Variants in IL1RAP observed in about 807,000 individuals in gnomAD.
IL1RAP encodes interleukin 1 receptor accessory protein.
Under a neutral mutation model 60.7 loss-of-function variants are expected in IL1RAP, and 35 were observed. The ratio of observed to expected loss-of-function variants is 0.58; its 90% confidence interval spans 0.44 to 0.76. The LOEUF (loss-of-function observed/expected upper bound fraction) is 0.76, where lower values mean the gene tolerates loss of function less well. Ranked by LOEUF, IL1RAP falls within the 30% of genes least tolerant of loss-of-function variation. IL1RAP has a pLI of 0.00. For missense variants in IL1RAP, 572 were observed against 693.9 expected (o/e 0.82, Z 1.97); for synonymous variants, 268 against 250.9 (o/e 1.07, Z -0.64).
At chr3:190,615,631 T>A (rs941940960) in intron 5 of IL1RAP, among the ~76,000 whole-genome samples, 12 of 152,254 alleles carry the variant, frequency 7.9e-5, no homozygotes, top group African/African-American at 2.9e-4. Context: ...TTTTCTATTA[T>A]CTTTGTGGTT....
chr3:190,606,414 C>T (rs1479346141), intron 4 of IL1RAP, among the ~76,000 whole-genome samples: 1 of 152,190 alleles, frequency 6.6e-6, no homozygotes, highest in Admixed American at 6.5e-5. Flanking sequence ...GCTTGATGAG[C>T]TCCTTTTTTT....
chr3:190,582,736 A>T (rs1312515001), intron 3 of IL1RAP, among the ~76,000 whole-genome samples: 1 of 152,234 alleles, frequency 6.6e-6, no homozygotes, highest in Non-Finnish European at 1.5e-5. Flanking sequence ...AAATTAAATC[A>T]GGTGTCTCCT....
chr3:190,658,647 G>GAC (rs1481732299), exon 12 of IL1RAP: 2 of 152,230 alleles, frequency 1.3e-5, no homozygotes, highest in Non-Finnish European at 2.9e-5. Flanking sequence ...GTGGCTGTTA[G>GAC]TGAGTTGTGG....
intron 1 of IL1RAP, among the ~76,000 whole-genome samples, chr3:190,521,673 C>T (rs1005226413): frequency 1.3e-5 from 2 of 151,926 alleles, no homozygotes; most frequent in South Asian, 2.1e-4. Flanking sequence ...AGAGTCAGAT[C>T]CATAAAGAAC....
intron 1 of IL1RAP, among the ~76,000 whole-genome samples, chr3:190,552,996 A>G (rs901964095): frequency 6.6e-6 from 1 of 152,232 alleles, no homozygotes; most frequent in Non-Finnish European, 1.5e-5. Flanking sequence ...CTAAAGGCTC[A>G]GAGCAAGGAA....
At chr3:190,549,906 C>T (rs139047145) in intron 1 of IL1RAP, among the ~76,000 whole-genome samples, 6 of 152,192 alleles carry the variant, frequency 3.9e-5, no homozygotes, top group Non-Finnish European at 7.4e-5. Context: ...TAAAGGGGTA[C>T]GGAGTGAAGA....
rs1325688971 is a variant in IL1RAP at position 190,633,863 on chromosome 3, A to T, written c.1051+4365A>T. Among the ~76,000 whole-genome samples, 4 of 152,308 alleles carry T rather than the reference A, an allele frequency of 2.6e-5. No homozygotes were observed. The East Asian group carries it at 7.7e-4, about 29-fold the overall frequency. Reference sequence around the variant, plus strand: ...CCTTTCTAAATTTCATAACTTTAATAACTTTTTACTGTCCGTTTCACTCTT... The same window carrying T: ...CCTTTCTAAATTTCATAACTTTAATTACTTTTTACTGTCCGTTTCACTCTT... On this transcript the variant is annotated intron_variant, in intron 9 of 11. Transcript: ENST00000447382.
intron 7 of IL1RAP, among the ~76,000 whole-genome samples, chr3:190,626,111 A>C (rs747587947): frequency 7.9e-5 from 12 of 152,198 alleles, no homozygotes; most frequent in Non-Finnish European, 1.5e-4. Flanking sequence ...CCAGGAAAGC[A>C]GGCATAAAAC....
At chr3:190,527,867 ACACG>A (rs1722653279) in intron 1 of IL1RAP, among the ~76,000 whole-genome samples, 1 of 144,546 alleles carries the variant, frequency 6.9e-6, no homozygotes. Flanking sequence ...ACACACACAC[ACACG>A]AGAATGGTGC....
intron 3 of IL1RAP, among the ~76,000 whole-genome samples, chr3:190,579,145 A>G (rs1490394556): frequency 6.6e-6 from 1 of 152,218 alleles, no homozygotes; most frequent in Admixed American, 6.5e-5. Flanking sequence ...AGTACTACAG[A>G]ACATAGTAAG....
chr3:190,610,458 A>G (rs575837342), intron 5 of IL1RAP, among the ~76,000 whole-genome samples: 2 of 152,110 alleles, frequency 1.3e-5, no homozygotes, highest in East Asian at 3.9e-4. Context: ...CAGAATAAAA[A>G]ACACAATAGA....
chr3:190,638,731 C>CT (rs377247099), intron 9 of IL1RAP, among the ~76,000 whole-genome samples: 1 of 151,902 alleles, frequency 6.6e-6, no homozygotes, highest in Admixed American at 6.5e-5. Context: ...CATCTCTTTT[C>CT]TTTTTTTTCA....
chr3:190,593,306 C>G (rs779578680), intron 3 of IL1RAP, among the ~76,000 whole-genome samples: 3 of 152,178 alleles, frequency 2.0e-5, no homozygotes, highest in Non-Finnish European at 4.4e-5. Flanking sequence ...GTGATGGATG[C>G]TCACAGACAC....
intron 1 of IL1RAP, among the ~76,000 whole-genome samples, chr3:190,546,804 TG>T (rs1352363455): frequency 6.6e-6 from 1 of 152,208 alleles, no homozygotes; most frequent in Admixed American, 6.5e-5. Flanking sequence ...TGTGAGTTCC[TG>T]GATGTCTGAG....
intron 3 of IL1RAP, among the ~76,000 whole-genome samples, chr3:190,571,233 C>T (rs905688205): frequency 4.0e-5 from 6 of 151,894 alleles, no homozygotes; most frequent in Admixed American, 3.3e-4. Context: ...AACTATGGGC[C>T]AGGCACACTG....
At chr3:190,637,777 C>G (rs1267699008) in intron 9 of IL1RAP, among the ~76,000 whole-genome samples, 23 of 152,002 alleles carry the variant, frequency 1.5e-4, no homozygotes, top group Non-Finnish European at 2.9e-5. Context: ...CTTTCTACCC[C>G]CACCTTCCCC....
At chr3:190,542,081 C>T (rs955822503) in intron 1 of IL1RAP, among the ~76,000 whole-genome samples, 1 of 152,086 alleles carries the variant, frequency 6.6e-6, no homozygotes, top group Non-Finnish European at 1.5e-5. Flanking sequence ...TAATAAAATA[C>T]CCTCCTAGTG....
intron 11 of IL1RAP, 48 bp downstream of exon 11, chr3:190,645,890 A>G: frequency 6.5e-7 from 1 of 1,533,456 alleles, no homozygotes; most frequent in Non-Finnish European, 8.9e-7. Flanking sequence ...AAAGGCAGAC[A>G]GAATCATTAG....
downstream of IL1RAP, chr3:190,656,062 C>T (rs1316763270): frequency 6.5e-6 from 10 of 1,537,104 alleles, no homozygotes; most frequent in Middle Eastern, 1.7e-4. Flanking sequence ...TCCCCTTGAG[C>T]ACCCGCACCC....
Sources: allele counts gnomAD v4.1 joint callset (sites outside exome capture counted in the v4.1 genomes callset), GRCh38; gene constraint gnomAD v4.1.1; transcripts MANE v1.5; gene names NCBI Gene and HGNC (gene_info 2026-07-23, HGNC 2026-07-21).